The following TPRG1 variants were observed in gnomAD, a reference collection of about 807,000 sequenced individuals.
TPRG1 encodes the protein tumor protein p63-regulated gene 1 protein.
Under a neutral mutation model 29.3 loss-of-function variants are expected in TPRG1, and 29 were observed. The ratio of observed to expected loss-of-function variants is 0.99; its 90% CI spans 0.74 to 1.35. TPRG1 has a LOEUF of 1.35. Among genes scored for constraint, TPRG1 ranks in the 40% most tolerant of loss-of-function variants. The probability of loss-of-function intolerance (pLI) is 0.00; values close to 1 mark genes in which losing one functional copy is unlikely to be tolerated. For synonymous variants in TPRG1, 130 were observed against 116.8 expected, an observed-to-expected ratio of 1.11 and a Z score of -0.73; for missense variants, 327 against 335.0, an observed-to-expected ratio of 0.98 and a Z score of 0.19.
chr3:189,055,603 TG>T (rs890621035), intron 4 of TPRG1, among the ~76,000 whole-genome samples: 2 of 152,188 alleles, frequency 1.3e-5, no homozygotes, highest in African/African-American at 4.8e-5. Context: ...GGGTTGTGGA[TG>T]GGAATATGTA....
intron 1 of TPRG1, among the ~76,000 whole-genome samples, chr3:189,183,053 C>G (rs758825581): frequency 1.3e-5 from 2 of 152,142 alleles, no homozygotes; most frequent in African/African-American, 2.4e-5. Flanking sequence ...GGCTTGGAAA[C>G]AGAGTGACTT....
chr3:189,293,440 T>A (rs1719348641), intron 4 of TPRG1, among the ~76,000 whole-genome samples: 1 of 152,018 alleles, frequency 6.6e-6, no homozygotes, highest in Non-Finnish European at 1.5e-5. Flanking sequence ...TGAAAAGGGA[T>A]TGCCAGAGGG....
chr3:189,096,833 A>G (rs1295242071), upstream of TPRG1, among the ~76,000 whole-genome samples: 2 of 152,236 alleles, frequency 1.3e-5, no homozygotes, highest in East Asian at 3.8e-4. Context: ...TGCCTTATAC[A>G]GACGTATAAT....
intron 1 of TPRG1, among the ~76,000 whole-genome samples, chr3:189,108,706 T>C (rs1316952037): frequency 1.3e-4 from 20 of 152,136 alleles, no homozygotes; most frequent in Admixed American, 1.3e-3. Context: ...CATAAAATAA[T>C]TTCAACAATA....
At chr3:189,171,072 T>C (rs1728758523), upstream of TPRG1, among the ~76,000 whole-genome samples, 1 of 152,248 alleles carries the variant, frequency 6.6e-6, no homozygotes, top group Non-Finnish European at 1.5e-5. Flanking sequence ...GTGCAGTTCA[T>C]ACTTTATTTT....
chr3:189,016,948 G>A (rs998133926), intron 3 of TPRG1, among the ~76,000 whole-genome samples: 1 of 152,104 alleles, frequency 6.6e-6, no homozygotes, highest in African/African-American at 2.4e-5. Context: ...AATATACTGG[G>A]TTCTCTGCAT....
chr3:189,251,762 G>C (rs1163137158), intron 4 of TPRG1, among the ~76,000 whole-genome samples: 1 of 152,162 alleles, frequency 6.6e-6, no homozygotes, highest in Non-Finnish European at 1.5e-5. Flanking sequence ...GCCCTAAGGC[G>C]GTTTTTCCCT....
At chr3:189,145,990 T>C (rs1053517438) in intron 3 of TPRG1, among the ~76,000 whole-genome samples, 2 of 152,130 alleles carry the variant, frequency 1.3e-5, no homozygotes, top group East Asian at 1.9e-4. Flanking sequence ...ATGCATATCT[T>C]TATTTGCATT....
chr3:189,025,967 T>C (rs1160398704), intron 4 of TPRG1, among the ~76,000 whole-genome samples: 3 of 152,232 alleles, frequency 2.0e-5, no homozygotes, highest in Non-Finnish European at 4.4e-5. Context: ...TTTTTTAAAA[T>C]ATTTTTAGGC....
intron 3 of TPRG1, among the ~76,000 whole-genome samples, chr3:189,012,764 T>C (rs1235563339): frequency 6.6e-6 from 1 of 152,162 alleles, no homozygotes; most frequent in African/African-American, 2.4e-5. Flanking sequence ...TCTTCTAAAT[T>C]TTCTATTTTA....
chr3:189,264,234 A>G (rs1048512059), intron 4 of TPRG1, among the ~76,000 whole-genome samples: 8 of 152,188 alleles, frequency 5.3e-5, no homozygotes, highest in African/African-American at 1.9e-4. Context: ...TCAATGGTTA[A>G]CCAAGATTTT....
chr3:189,089,124 C>A (rs183806381), intron 4 of TPRG1, among the ~76,000 whole-genome samples: 73 of 152,186 alleles, frequency 4.8e-4, no homozygotes, highest in Admixed American at 2.9e-3. Context: ...ACAGGACTAA[C>A]AGTCTATAGT....
At chr3:189,057,837 T>TATGTGTGTATATATATACACACATAC (rs1560419097) in intron 4 of TPRG1, among the ~76,000 whole-genome samples, 33 of 140,086 alleles carry the variant, frequency 2.4e-4, no homozygotes, top group African/African-American at 7.2e-4. Context: ...TACACACATA[T>TATGTGTGTATATATATACACACATAC]GTATGTGTGT....
At chr3:189,194,633 G>A (rs1047852929) in intron 1 of TPRG1, among the ~76,000 whole-genome samples, 1 of 152,196 alleles carries the variant, frequency 6.6e-6, no homozygotes, top group African/African-American at 2.4e-5. Flanking sequence ...CATCTGTGGG[G>A]AAAAGGGAGT....
chr3:189,313,303 A>G (rs1324156574), intron 5 of TPRG1: 3 of 152,230 alleles, frequency 2.0e-5, no homozygotes, highest in Non-Finnish European at 2.9e-5. Context: ...ATATCAATGT[A>G]AAAGAATAAA....
At chr3:189,271,368 A>G (rs1190930890) in intron 4 of TPRG1, among the ~76,000 whole-genome samples, 2 of 152,154 alleles carry the variant, frequency 1.3e-5, no homozygotes, top group Non-Finnish European at 2.9e-5. Context: ...GTTTATGATG[A>G]TGCCTGTCTC....
chr3:189,277,708 A>G (rs1716409606), intron 4 of TPRG1, among the ~76,000 whole-genome samples: 1 of 152,192 alleles, frequency 6.6e-6, no homozygotes, highest in African/African-American at 2.4e-5. Flanking sequence ...AAAAAAGAAA[A>G]TTAATATATT....
At chr3:189,033,527 C>T (rs892493543) in intron 4 of TPRG1, among the ~76,000 whole-genome samples, 45 of 151,754 alleles carry the variant, frequency 3.0e-4, no homozygotes, top group Admixed American at 2.6e-3. Context: ...AGTAATCTGC[C>T]CTCCTCAAAG....
At chr3:189,177,173 G>A (rs1729591655) in intron 1 of TPRG1, among the ~76,000 whole-genome samples, 1 of 152,124 alleles carries the variant, frequency 6.6e-6, no homozygotes, top group Non-Finnish European at 1.5e-5. Context: ...TAGTGAGACA[G>A]ATAAGTCAAG....
Sources: gnomAD v4.1 joint callset for allele counts (sites outside exome capture counted in the v4.1 genomes callset) on GRCh38, gnomAD v4.1.1 for gene constraint, MANE v1.5 for transcripts, NCBI Gene and HGNC (gene_info 2026-07-23, HGNC 2026-07-21) for gene names.